Variants in NKTR observed in about 807,000 individuals in gnomAD.
NKTR encodes natural killer cell triggering receptor.
NKTR carries 67 observed loss-of-function variants against 156.3 expected under a neutral mutation model. The ratio of observed to expected loss-of-function variants is 0.43; its 90% CI spans 0.35 to 0.53. The LOEUF is 0.53. Ranked by LOEUF, NKTR falls within the 20% of genes least tolerant of loss-of-function variation. The pLI is 0.01. For missense variants in NKTR, 1,604 were observed against 1,730.9 expected (o/e 0.93, Z 1.30); for synonymous variants, 640 against 596.6 (o/e 1.07, Z -1.06).
chr3:42,630,895 A>G (rs1708835270), intron 7 of NKTR: 2 of 1,368,174 alleles, frequency 1.5e-6, no homozygotes, highest in Non-Finnish European at 1.9e-6. Flanking sequence ...AAGGTTCCCA[A>G]GTACCAAGCG....
In NKTR at chr3:42,643,386, G is replaced by A. The variant is rs1295400073; in HGVS notation, c.4190G>A (p.Ser1397Asn). 1 of 1,613,756 alleles carries A rather than the reference G, an allele frequency of 6.2e-7. No individual in the cohort carries two copies. Among genetic ancestry groups the A allele is most frequent in the African/African-American group, 1.3e-5 (1 of 74,914 alleles). The change falls in exon 15 of 17, where the codon AGT becomes AAT. Residue 1397 changes from serine to asparagine, a missense_variant. Ser to Asn is a conservative substitution (Grantham distance 46, BLOSUM62 1). This residue lies in a region of NKTR where 193 missense variants were observed against 220.2 expected (regional missense o/e 0.88). Coordinates refer to ENST00000232978, the MANE Select transcript of NKTR (RefSeq NM_005385.4). ...AGGAGCAGCTCATATGATCCCCACA[G>A]TCGATCCAGGTATGAACAGGGATTG... The part of the protein sequence containing the change: ...RSRSSSYDPH[S>N]RSRSYTYDSY...
At chr3:42,633,811 C>CA in intron 10 of NKTR, 76 bp downstream of exon 10, 2 of 1,468,206 alleles carry the variant, frequency 1.4e-6, no homozygotes, top group Non-Finnish European at 9.5e-7. Flanking sequence ...ATTCCACACT[C>CA]ATGTATGGAA....
At position 42,636,941 on chromosome 3, in the gene NKTR, G is replaced by C; in HGVS notation, c.1237G>C (p.Gly413Arg). 1 of 1,601,658 alleles carries C rather than the reference G, an allele frequency of 6.2e-7. No homozygotes were observed. Residue 413 changes from glycine (G) to arginine (R), a missense_variant, in exon 13 of 17, where the codon GGA (glycine) becomes CGA (arginine). By Grantham distance (125) the Gly-to-Arg change is moderately radical. This residue lies in a region of NKTR where 1,255 missense variants were observed against 1,243.7 expected (regional missense o/e 1.01). Coordinates refer to ENST00000232978, the MANE Select transcript of NKTR (RefSeq NM_005385.4). ...GAGATCCAGATCATGGTCCTATAAT[G>C]GATATTATTCAGACCTTAGTACAGC... ...SQRSRSWSYN[G>R]YYSDLSTARH... is the part of the protein sequence containing the mutation.
chr3:42,630,615 G>T (rs1165676194), intron 7 of NKTR, 40 bp downstream of exon 7: 1 of 1,612,698 alleles, frequency 6.2e-7, no homozygotes, highest in Non-Finnish European at 8.5e-7. Context: ...AAGTGTTTGG[G>T]TGGCCAGCCA....
At chr3:42,607,705 A>C (rs1577422999) in intron 2 of NKTR, among the ~76,000 whole-genome samples, 1 of 152,176 alleles carries the variant, frequency 6.6e-6, no homozygotes, top group Non-Finnish European at 1.5e-5. Context: ...ACAGAATTCC[A>C]TTCAGCCATT....
Position 42,639,424 on chromosome 3 carries a change from T to A in NKTR, c.3720T>A (p.Ala1240=). Residue 1240 remains alanine, a synonymous_variant, in exon 13 of 17, where the codon GCT becomes GCA. Transcript: ENST00000232978. ...TGGGGAACCTGGCAGCACCTAATGCTGCCACATCCAGTGCTGTGGAAGTTA... is the reference window on the plus strand; with the variant it reads ...TGGGGAACCTGGCAGCACCTAATGCAGCCACATCCAGTGCTGTGGAAGTTA... ...QGVGNLAAPN[A]ATSSAVEVKV... is the part of the protein sequence containing the mutation. 2 of 1,614,160 alleles carry A rather than the reference T, an allele frequency of 1.2e-6. No homozygotes were observed. Among genetic ancestry groups the A allele is most frequent in the Non-Finnish European group, 1.7e-6 (2 of 1,180,000 alleles).
At position 42,643,353 on chromosome 3, in the gene NKTR, G is replaced by A. The variant is rs750036233; in HGVS notation, c.4157G>A (p.Ser1386Asn). 9.3e-6 allele frequency: 15 copies of A among 1,613,998 alleles called. No individual in the cohort carries two copies. Among genetic ancestry groups the A allele is most frequent in the Non-Finnish European group, 1.2e-5 (14 of 1,179,970 alleles). Reference protein sequence around the residue: ...SYKSHRTSSRSRSRSSSYDPH... With the variant: ...SYKSHRTSSRNRSRSSSYDPH... ...ATTAATATTAGGACGTCCAGCAGGA[G>A]CAGATCCAGGAGCAGCTCATATGAT... The change falls in exon 15 of 17, where the codon AGC becomes AAC. Residue 1386 changes from serine to asparagine, a missense_variant. This residue lies in a region of NKTR where 193 missense variants were observed against 220.2 expected (regional missense o/e 0.88). Coordinates refer to ENST00000232978, the MANE Select transcript of NKTR (RefSeq NM_005385.4).
chr3:42,602,470 T>G (rs1190278235), intron 2 of NKTR: 1 of 152,170 alleles, frequency 6.6e-6, no homozygotes, highest in Non-Finnish European at 1.5e-5. Flanking sequence ...GTGCCCAGTG[T>G]GGCTGGAGTA....
At chr3:42,640,026 T>C (rs917772975) in intron 13 of NKTR, among the ~76,000 whole-genome samples, 1 of 152,192 alleles carries the variant, frequency 6.6e-6, no homozygotes, top group African/African-American at 2.4e-5. Context: ...TCTCCATCTT[T>C]AAAGGTGTGA....
chr3:42,640,554 GTT>G (rs1204703513), intron 13 of NKTR, among the ~76,000 whole-genome samples: 1 of 152,056 alleles, frequency 6.6e-6, no homozygotes, highest in Non-Finnish European at 1.5e-5. Context: ...TTTGACGTTT[GTT>G]TCCTTTCTAG....
At chr3:42,623,729 C>T (rs938771693) in intron 6 of NKTR, 1 of 152,222 alleles carries the variant, frequency 6.6e-6, no homozygotes. Context: ...ACAGAGCTTG[C>T]TGATGGCTTC....
In NKTR at chr3:42,609,967, T is replaced by A. The variant is rs1396479923; in HGVS notation, c.59-7603T>A. Among the ~76,000 whole-genome samples the A allele has an allele frequency of 3.3e-5, 5 of 152,138 alleles. No homozygotes were observed. In the East Asian group the frequency reaches 9.6e-4, roughly 29 times the overall value. ...AAATATGCTCTTTTTTACTTGTAAA[T>A]CTCTCCTATTGTCCTCTTATCTACT... On this transcript the variant is annotated intron_variant, in intron 2 of 16. Coordinates refer to ENST00000232978, the MANE Select transcript of NKTR (RefSeq NM_005385.4).
chr3:42,644,412 G>A (rs1710183234), intron 16 of NKTR, among the ~76,000 whole-genome samples: 1 of 152,052 alleles, frequency 6.6e-6, no homozygotes, highest in Non-Finnish European at 1.5e-5. Flanking sequence ...AGGTTTATAT[G>A]TTGTCAATTA....
At chr3:42,633,864 A>G (rs1709141036) in intron 10 of NKTR, 129 bp downstream of exon 10, 1 of 972,006 alleles carries the variant, frequency 1.0e-6, no homozygotes, top group Non-Finnish European at 1.6e-6. Context: ...GTATGGGAGT[A>G]TTAGATTAAT....
chr3:42,620,344 A>G (rs1559562928), intron 5 of NKTR: 16 of 1,122,592 alleles, frequency 1.4e-5, no homozygotes, highest in Non-Finnish European at 1.7e-5. Flanking sequence ...TCTTTTGTAT[A>G]TTAGAACTAT....
chr3:42,630,596 A>G (rs753272990), intron 7 of NKTR, 21 bp downstream of exon 7: 2 of 1,613,672 alleles, frequency 1.2e-6, no homozygotes, highest in South Asian at 2.2e-5. Context: ...CATTCTTACT[A>G]CATTGGGGAA....
chr3:42,607,258 C>G (rs959329237), intron 2 of NKTR, among the ~76,000 whole-genome samples: 2 of 152,038 alleles, frequency 1.3e-5, no homozygotes, highest in Non-Finnish European at 2.9e-5. Flanking sequence ...CAGAAAGATT[C>G]AAGTTTAATA....
intron 2 of NKTR, among the ~76,000 whole-genome samples, chr3:42,603,224 G>A (rs527542446): frequency 1.9e-3 from 280 of 151,182 alleles, no homozygotes; most frequent in African/African-American, 6.4e-3. Context: ...TTTTTAATTA[G>A]CCAGGCATGG....
rs905630996 is a variant in NKTR, at chr3:42,646,621, C to G, written c.*646C>G. The G allele has an allele frequency of 6.6e-6, 1 of 152,658 alleles. No homozygotes were observed. The highest frequency in any genetic ancestry group is 1.5e-5 in the Non-Finnish European group (1 of 68,058). The allele number at this position is 152,658 out of a possible 1,614,324, so 9.5% of individuals were successfully genotyped here. A position where few individuals can be genotyped will look rare whatever the true frequency, so the allele number is the denominator to read the frequency against. On this transcript the variant is annotated 3_prime_UTR_variant, in exon 17 of 17. Coordinates refer to ENST00000232978, the MANE Select transcript of NKTR (RefSeq NM_005385.4). ...GTTAGGAAGAATCAATCAGCCTTAACTATAAATACCTGCACTGTCTCTGAG... is the reference window on the plus strand; with the variant it reads ...GTTAGGAAGAATCAATCAGCCTTAAGTATAAATACCTGCACTGTCTCTGAG...
Sources: gnomAD v4.1 joint callset for allele counts (sites outside exome capture counted in the v4.1 genomes callset) on GRCh38, gnomAD v4.1.1 for gene constraint, gnomAD v4.1.1 regional missense constraint, MANE v1.5 for transcripts, NCBI Gene and HGNC (gene_info 2026-07-23, HGNC 2026-07-21) for gene names.